LRRK2: variants seen among roughly 807,000 people sequenced by gnomAD.
LRRK2 encodes leucine rich repeat kinase 2.
In LRRK2, 203 loss-of-function variants were observed where a neutral mutation model predicts 302.6. That is an observed-to-expected ratio of 0.67 (90% CI 0.60 to 0.75). The LOEUF is 0.75. LRRK2 is among the 30% of genes least tolerant of loss of function. The pLI is 0.00. For missense variants in LRRK2, 2,830 were observed against 2,951.0 expected, an observed-to-expected ratio of 0.96 and a Z score of 0.95; for synonymous variants, 1,066 against 1,031.9, an observed-to-expected ratio of 1.03 and a Z score of -0.63.
At chr12:40,268,200 ACT>A (rs1220961696) in intron 14 of LRRK2, among the ~76,000 whole-genome samples, 1 of 152,170 alleles carries the variant, frequency 6.6e-6, no homozygotes, top group African/African-American at 2.4e-5. Context: ...TGGAAAATAA[ACT>A]CTGCACATTT....
At chr12:40,300,404 C>T (rs1944580296) in intron 25 of LRRK2, among the ~76,000 whole-genome samples, 1 of 152,084 alleles carries the variant, frequency 6.6e-6, no homozygotes. Flanking sequence ...TTTTATCTTC[C>T]TTCATAGAGA....
At chr12:40,304,493 C>T (rs996575369) in intron 27 of LRRK2, 1 of 248,894 alleles carries the variant, frequency 4.0e-6, no homozygotes, top group African/African-American at 2.2e-5. Context: ...GTCTACCCAA[C>T]ATTTGTACAA....
intron 38 of LRRK2, among the ~76,000 whole-genome samples, chr12:40,324,092 TTACTGTA>T (rs1031185774): frequency 1.3e-5 from 2 of 152,180 alleles, no homozygotes; most frequent in Non-Finnish European, 2.9e-5. Flanking sequence ...TCAACATATG[TTACTGTA>T]TGTCATTCTG....
intron 38 of LRRK2, among the ~76,000 whole-genome samples, chr12:40,325,302 A>G (rs1945512410): frequency 6.6e-6 from 1 of 152,154 alleles, no homozygotes; most frequent in Non-Finnish European, 1.5e-5. Context: ...ACAAAAAACA[A>G]AAAAGCAAAG....
At chr12:40,250,094 G>T in intron 8 of LRRK2, 149 bp downstream of exon 8, 1 of 960,370 alleles carries the variant, frequency 1.0e-6, no homozygotes, top group Non-Finnish European at 1.6e-6. Flanking sequence ...ATACTTTCAA[G>T]GAAACTAACA....
chr12:40,304,339 A>T (rs756637431), intron 27 of LRRK2: 114 of 600,618 alleles, frequency 1.9e-4, no homozygotes, highest in Non-Finnish European at 2.9e-4. Context: ...ACTTAATTTA[A>T]TTTCCATTCT....
chr12:40,312,844 T>G (rs1555188121), intron 31 of LRRK2: 1 of 152,022 alleles, frequency 6.6e-6, no homozygotes, highest in African/African-American at 2.4e-5. Context: ...AACATAAACC[T>G]CAATCTGAAG....
At chr12:40,285,320 T>C (rs1943877896) in intron 19 of LRRK2, among the ~76,000 whole-genome samples, 2 of 152,172 alleles carry the variant, frequency 1.3e-5, no homozygotes, top group Admixed American at 1.3e-4. Context: ...TACCATGAAG[T>C]CAATGTCAAT....
Position 40,293,668 on chromosome 12 carries a change from G to A in LRRK2, c.2808+5G>A. 6.4e-7 allele frequency: 1 copy of A among 1,561,794 alleles called. No homozygotes were observed. The highest frequency in any genetic ancestry group is 1.1e-5 in the South Asian group (1 of 89,930). On this transcript the variant is annotated splice_donor_5th_base_variant and intron_variant, in intron 21 of 50. Coordinates refer to ENST00000298910, the MANE Select transcript of LRRK2 (RefSeq NM_198578.4). ...CAAAGACATTCCAATTCCTTGGTAAGTTAAATTGTGCAATTGTGATTATGT... is the reference window on the plus strand; with the variant it reads ...CAAAGACATTCCAATTCCTTGGTAAATTAAATTGTGCAATTGTGATTATGT...
intron 23 of LRRK2, 150 bp from the exon 24 acceptor site, chr12:40,298,093 G>T (rs944088416): frequency 1.4e-6 from 1 of 727,748 alleles, no homozygotes; most frequent in Non-Finnish European, 2.3e-6. Flanking sequence ...GGGCCAATTA[G>T]TATACTGAAA....
At chr12:40,359,933 C>A (rs1018332700) in intron 47 of LRRK2, among the ~76,000 whole-genome samples, 1 of 152,088 alleles carries the variant, frequency 6.6e-6, no homozygotes, top group Non-Finnish European at 1.5e-5. Flanking sequence ...GTTAGTGATA[C>A]CAGTTTCAAA....
intron 39 of LRRK2, among the ~76,000 whole-genome samples, chr12:40,334,010 C>T (rs1470543114): frequency 2.0e-5 from 3 of 152,060 alleles, no homozygotes; most frequent in Non-Finnish European, 4.4e-5. Flanking sequence ...GGATTTTCAT[C>T]TAAGGGAAAT....
intron 50 of LRRK2, chr12:40,367,327 AT>A: frequency 2.2e-6 from 1 of 455,936 alleles, no homozygotes. Flanking sequence ...AAATGTGAAT[AT>A]TTTTTACAAC....
intron 12 of LRRK2, among the ~76,000 whole-genome samples, chr12:40,258,178 C>T (rs1942606883): frequency 1.3e-5 from 2 of 152,002 alleles, no homozygotes; most frequent in South Asian, 4.2e-4. Context: ...TAGGATAATG[C>T]CTGCTGCATT....
chr12:40,293,613 G>A lies in LRRK2; in HGVS notation c.2758G>A (p.Ala920Thr), dbSNP rs201184634. The A allele has an allele frequency of 2.4e-5, 38 of 1,611,650 alleles. No individual in the cohort carries two copies. In the Middle Eastern group the frequency reaches 4.9e-4, roughly 21 times the overall value. ...TAGTGTAGGAGAATTTTACCGAGAT[G>A]CCGTATTACAGCGTTGCTCACCAAA... ...SISVGEFYRD[A>T]VLQRCSPNLQ... is the part of the protein sequence containing the mutation. The change falls in exon 21 of 51, where the codon GCC becomes ACC. Residue 920 changes from alanine to threonine, a missense_variant. Physicochemically the swap from Ala to Thr is moderately conservative, Grantham distance 58 (BLOSUM62 0). Coordinates refer to ENST00000298910, the MANE Select transcript of LRRK2 (RefSeq NM_198578.4).
At chr12:40,330,851 CTG>C (rs1305788679) in intron 39 of LRRK2, among the ~76,000 whole-genome samples, 1 of 152,158 alleles carries the variant, frequency 6.6e-6, no homozygotes, top group Non-Finnish European at 1.5e-5. Flanking sequence ...ACTTACTTGA[CTG>C]TCTCTTACAG....
At chr12:40,359,111 T>TG (rs1183472602) in intron 46 of LRRK2, 149 bp from the exon 47 acceptor site, 2 of 694,218 alleles carry the variant, frequency 2.9e-6, no homozygotes, top group Non-Finnish European at 4.7e-6. Context: ...AGAGTTTTTT[T>TG]TAATGGAATC....
chr12:40,232,450 T>C (rs992331661), intron 3 of LRRK2, 67 bp downstream of exon 3: 23 of 1,115,138 alleles, frequency 2.1e-5, no homozygotes, highest in Non-Finnish European at 2.6e-5. Flanking sequence ...CAACCTTCCC[T>C]TGATACACTG....
intron 13 of LRRK2, among the ~76,000 whole-genome samples, chr12:40,260,579 T>G (rs1309176680): frequency 6.6e-6 from 1 of 151,986 alleles, no homozygotes; most frequent in South Asian, 2.1e-4. Context: ...TGCTAAAAAT[T>G]TTTTGCCTTT....
Sources: allele counts gnomAD v4.1 joint callset (sites outside exome capture counted in the v4.1 genomes callset), GRCh38; gene constraint gnomAD v4.1.1; transcripts MANE v1.5; gene names NCBI Gene and HGNC (gene_info 2026-07-23, HGNC 2026-07-21).